Variants in CNTN5 observed in about 807,000 individuals in gnomAD.
The protein encoded by CNTN5 is contactin 5, also known as contactin-5.
A neutral mutation model predicts 129.1 loss-of-function variants in CNTN5; 77 were observed. The ratio of observed to expected loss-of-function variants is 0.60; its 90% CI spans 0.50 to 0.72. The LOEUF (loss-of-function observed/expected upper bound fraction) is 0.72. Ranked by LOEUF, CNTN5 falls within the 30% of genes least tolerant of loss-of-function variation. CNTN5 has a pLI of 0.00. For missense variants in CNTN5, 1,478 were observed against 1,328.8 expected, an observed-to-expected ratio of 1.11 and a Z score of -1.75; for synonymous variants, 509 against 465.6, an observed-to-expected ratio of 1.09 and a Z score of -1.20.
intron 4 of CNTN5, among the ~76,000 whole-genome samples, chr11:99,824,755 G>A (rs760648943): frequency 6.6e-6 from 1 of 151,838 alleles, no homozygotes; most frequent in Non-Finnish European, 1.5e-5. Flanking sequence ...GTAATATGAA[G>A]TAATTACCTG....
intron 3 of CNTN5, among the ~76,000 whole-genome samples, chr11:99,586,585 CATA>C (rs1046225767): frequency 2.8e-4 from 43 of 152,208 alleles, no homozygotes; most frequent in African/African-American, 9.9e-4. Flanking sequence ...ATACCTGAAA[CATA>C]ATAAGCAGTA....
chr11:99,731,320 C>A (rs1470045232), intron 3 of CNTN5, among the ~76,000 whole-genome samples: 3 of 151,792 alleles, frequency 2.0e-5, no homozygotes, highest in African/African-American at 7.3e-5. Context: ...ACTGTGTTAG[C>A]CAGGATGGTC....
intron 3 of CNTN5, among the ~76,000 whole-genome samples, chr11:99,712,232 A>G (rs954812266): frequency 1.3e-5 from 2 of 152,176 alleles, no homozygotes; most frequent in Admixed American, 1.3e-4. Flanking sequence ...ATGACCAGTG[A>G]TGATGAGCAT....
chr11:99,838,466 A>G (rs964244132), intron 4 of CNTN5, among the ~76,000 whole-genome samples: 1 of 152,142 alleles, frequency 6.6e-6, no homozygotes, highest in African/African-American at 2.4e-5. Context: ...TTTATTAGTT[A>G]CCTATTCCTA....
intron 13 of CNTN5, among the ~76,000 whole-genome samples, chr11:100,114,983 G>A (rs1254964004): frequency 6.6e-6 from 1 of 151,826 alleles, no homozygotes; most frequent in Non-Finnish European, 1.5e-5. Context: ...CTCCATGGGT[G>A]TCCCCATTAT....
At chr11:99,929,636 A>G (rs1950145579) in intron 7 of CNTN5, among the ~76,000 whole-genome samples, 1 of 152,200 alleles carries the variant, frequency 6.6e-6, no homozygotes, top group African/African-American at 2.4e-5. Context: ...AAAGCCCCTT[A>G]TAAAACCATC....
chr11:99,613,093 C>G (rs1347234875), intron 3 of CNTN5, among the ~76,000 whole-genome samples: 1 of 152,156 alleles, frequency 6.6e-6, no homozygotes, highest in Non-Finnish European at 1.5e-5. Context: ...ACGATGCTCA[C>G]AGGCACCATC....
intron 3 of CNTN5, among the ~76,000 whole-genome samples, chr11:99,682,486 A>G (rs573871919): frequency 9.2e-5 from 14 of 151,978 alleles, no homozygotes; most frequent in Admixed American, 2.0e-4. Context: ...TAATCCATAG[A>G]ACAAACTTGT....
At chr11:100,269,285 G>GA (rs748697689) in intron 17 of CNTN5, among the ~76,000 whole-genome samples, 1 of 152,182 alleles carries the variant, frequency 6.6e-6, no homozygotes, top group Non-Finnish European at 1.5e-5. Flanking sequence ...CAGTATGATG[G>GA]AAAACTGGAG....
At chr11:100,202,289 C>T (rs914133146) in intron 15 of CNTN5, among the ~76,000 whole-genome samples, 1 of 151,830 alleles carries the variant, frequency 6.6e-6, no homozygotes, top group Non-Finnish European at 1.5e-5. Flanking sequence ...ACTTAGTAAA[C>T]TTAGTAATAT....
intron 1 of CNTN5, among the ~76,000 whole-genome samples, chr11:99,274,296 C>G (rs1863320344): frequency 1.3e-5 from 2 of 151,858 alleles, no homozygotes; most frequent in South Asian, 4.1e-4. Context: ...AAGCTAATCT[C>G]AAACAGGCTA....
At chr11:99,092,860 G>A (rs1049189915) in intron 1 of CNTN5, among the ~76,000 whole-genome samples, 1 of 151,868 alleles carries the variant, frequency 6.6e-6, no homozygotes, top group Admixed American at 6.6e-5. Context: ...GTTTATGTTT[G>A]TTGTACCCTT....
chr11:99,677,180 A>C (rs891323667), intron 3 of CNTN5, among the ~76,000 whole-genome samples: 1 of 152,194 alleles, frequency 6.6e-6, no homozygotes, highest in African/African-American at 2.4e-5. Flanking sequence ...TTGCTTATTG[A>C]ATTCCAAAAT....
At chr11:100,302,574 T>G (rs1188386282) in intron 20 of CNTN5, among the ~76,000 whole-genome samples, 1 of 151,534 alleles carries the variant, frequency 6.6e-6, no homozygotes, top group Non-Finnish European at 1.5e-5. Context: ...ATACATGCCT[T>G]AAGCACTGTG....
intron 17 of CNTN5, among the ~76,000 whole-genome samples, chr11:100,262,822 G>A (rs535459519): frequency 2.4e-4 from 37 of 152,170 alleles, no homozygotes; most frequent in African/African-American, 7.9e-4. Flanking sequence ...ATAGCATTAG[G>A]AGAAATACCT....
chr11:99,522,423 A>T (rs1257698806), intron 2 of CNTN5, among the ~76,000 whole-genome samples: 1 of 152,024 alleles, frequency 6.6e-6, no homozygotes, highest in Non-Finnish European at 1.5e-5. Context: ...AATACTATAC[A>T]TTTTTTTCAA....
intron 2 of CNTN5, among the ~76,000 whole-genome samples, chr11:99,381,898 T>G (rs939739962): frequency 3.3e-5 from 5 of 152,112 alleles, no homozygotes; most frequent in African/African-American, 1.2e-4. Flanking sequence ...TGGGTAATGG[T>G]GGCTGCTGTA....
chr11:100,265,652 AT>A (rs2138763525), intron 17 of CNTN5, among the ~76,000 whole-genome samples: 2 of 152,314 alleles, frequency 1.3e-5, no homozygotes, highest in African/African-American at 4.8e-5. Flanking sequence ...AGCATAAAAA[AT>A]AATGTCTCAT....
intron 1 of CNTN5, among the ~76,000 whole-genome samples, chr11:99,299,115 A>G (rs1864513275): frequency 6.6e-6 from 1 of 152,132 alleles, no homozygotes; most frequent in Non-Finnish European, 1.5e-5. Context: ...AACAACATAA[A>G]CAAAATACAA....
Sources: allele counts gnomAD v4.1 joint callset (sites outside exome capture counted in the v4.1 genomes callset), GRCh38; gene constraint gnomAD v4.1.1; transcripts MANE v1.5; gene names NCBI Gene and HGNC (gene_info 2026-07-23, HGNC 2026-07-21).